Variants in AHNAK observed in about 807,000 individuals in gnomAD.
AHNAK encodes the protein neuroblast differentiation-associated protein AHNAK.
Under a neutral mutation model 37.8 loss-of-function variants are expected in AHNAK, and 23 were observed. The ratio of observed to expected loss-of-function variants is 0.61; its 90% CI spans 0.44 to 0.86. The LOEUF is 0.86. Among genes scored for constraint, AHNAK ranks in the 40% least tolerant of loss-of-function variants. AHNAK has a pLI of 0.00. For synonymous variants in AHNAK, 2,481 were observed against 2,636.3 expected, an observed-to-expected ratio of 0.94 and a Z score of 1.80; for missense variants, 7,411 against 7,319.4, an observed-to-expected ratio of 1.01 and a Z score of -0.46.
chr11:62,509,468 T>A (rs1253696326), intron 4 of AHNAK, among the ~76,000 whole-genome samples: 3 of 151,576 alleles, frequency 2.0e-5, no homozygotes. Context: ...GAGAATCACT[T>A]GAACTCGGGA....
At chr11:62,436,553 C>T (rs919491627) in intron 5 of AHNAK, among the ~76,000 whole-genome samples, 1 of 151,610 alleles carries the variant, frequency 6.6e-6, no homozygotes, top group Non-Finnish European at 1.5e-5. Flanking sequence ...CTCTATAAAG[C>T]AACCAGGCAC....
chr11:62,536,733 C>G (rs1421441881), intron 1 of AHNAK, among the ~76,000 whole-genome samples, 166 bp from the exon 2 acceptor site: 2 of 152,138 alleles, frequency 1.3e-5, no homozygotes, highest in Non-Finnish European at 2.9e-5. Context: ...CCCGGCATAG[C>G]AGAAAGGGGC....
rs373643372 is a variant in AHNAK, at chr11:62,518,169, C to T, written c.16248G>A (p.Pro5416=). ...MKLPQFGIST[P]GSDLHVNAKG... ...TGGCATTGACGTGCAAGTCGGACCC[C>T]GGAGTAGAGATGCCAAATTGGGGCA... Residue 5416 remains proline (P), a synonymous_variant, in exon 5 of 5, where the codon CCG becomes CCA. Coordinates refer to ENST00000378024, the MANE Select transcript of AHNAK (RefSeq NM_001620.3). 109 of 1,614,174 alleles carry T rather than the reference C, an allele frequency of 6.8e-5. No homozygotes were observed. Among genetic ancestry groups the T allele is most frequent in the Middle Eastern group, 1.6e-4 (1 of 6,062 alleles).
Position 62,521,409 on chromosome 11 carries a change from C to A in AHNAK, c.13008G>T (p.Val4336=), listed in dbSNP as rs1210951271. Residue 4336 remains valine, a synonymous_variant, in exon 5 of 5, where the codon GTG becomes GTT. Coordinates refer to ENST00000378024, the MANE Select transcript of AHNAK (RefSeq NM_001620.3). The part of the protein sequence containing the change: ...MPGFKGEGPD[V]DVTLPKADIE... ...TGTCAGCCTTAGGAAGGGTAACATCCACATCTGGGCCCTCTCCTTTGAATC... is the reference window on the plus strand; with the variant it reads ...TGTCAGCCTTAGGAAGGGTAACATCAACATCTGGGCCCTCTCCTTTGAATC... 2 of 1,614,012 alleles carry A rather than the reference C, an allele frequency of 1.2e-6. No individual in the cohort carries two copies. Among genetic ancestry groups the A allele is most frequent in the Non-Finnish European group, 1.7e-6 (2 of 1,180,020 alleles).
Position 62,525,665 on chromosome 11 carries a change from G to C in AHNAK, c.8752C>G (p.Leu2918Val). 7 of 1,613,680 alleles carry C rather than the reference G, an allele frequency of 4.3e-6. 1 individual carries two copies. The highest frequency in any genetic ancestry group is 1.1e-5 in the South Asian group (1 of 91,066). The change falls in exon 5 of 5, where the codon CTG becomes GTG. Residue 2918 changes from leucine (L) to valine (V), a missense_variant. Physicochemically the swap from Leu to Val is conservative, Grantham distance 32. Coordinates refer to ENST00000378024, the MANE Select transcript of AHNAK (RefSeq NM_001620.3). ...GAGACATCAACGTCAGCCTTGGGCAGGTTCACATCCACTTCAGGGCCCTCT... is the reference window on the plus strand; with the variant it reads ...GAGACATCAACGTCAGCCTTGGGCACGTTCACATCCACTTCAGGGCCCTCT... Reference protein sequence around the residue: ...KAEGPEVDVNLPKADVDVSGP... With the variant: ...KAEGPEVDVNVPKADVDVSGP...
chr11:62,534,171 CAGAGA>C, intron 4 of AHNAK, 97 bp from the exon 5 acceptor site: 1 of 1,351,482 alleles, frequency 7.4e-7, no homozygotes, highest in Non-Finnish European at 9.8e-7. Context: ...GCCTGTTTCC[CAGAGA>C]AGCTGGGACC....
At chr11:62,468,367 A>ATAT (rs1178186674) in intron 5 of AHNAK, among the ~76,000 whole-genome samples, 1 of 145,052 alleles carries the variant, frequency 6.9e-6, no homozygotes, top group African/African-American at 2.8e-5. Flanking sequence ...AGAAAAAAAA[A>ATAT]AAAAATATAT....
rs749184331 is a variant in AHNAK at position 62,529,738 on chromosome 11, C to T, written c.4679G>A (p.Gly1560Glu). The T allele has an allele frequency of 4.3e-6, 7 of 1,614,046 alleles. No individual in the cohort carries two copies. In the South Asian group the frequency reaches 6.6e-5, roughly 15 times the overall value. Residue 1560 changes from glycine (G) to glutamate (E), a missense_variant, in exon 5 of 5, where the codon GGG becomes GAG. Physicochemically the swap from Gly to Glu is moderately conservative, Grantham distance 98. Coordinates refer to ENST00000378024, the MANE Select transcript of AHNAK (RefSeq NM_001620.3). The part of the protein sequence containing the change: ...VPDVNLEAPE[G>E]KLKGPKFKMP... ...CTTGAACTTAGGGCCTTTTAGTTTC[C>T]CCTCTGGAGCTTCAAGATTCACATC...
rs373135676 is a variant in AHNAK at position 62,531,701 on chromosome 11, C to T, written c.2716G>A (p.Val906Met). ...CCCACCTTGGGTCCTGAGATGTCCA[C>T]ATCAGCCTTGGGCAGGTTCACATCC... is the stretch of plus-strand genomic sequence containing the variant. Reference protein sequence around the residue: ...EVDVNLPKADVDISGPKVGVE... With the variant: ...EVDVNLPKADMDISGPKVGVE... Residue 906 changes from valine (V) to methionine (M), a missense_variant, in exon 5 of 5, where the codon GTG becomes ATG. By Grantham distance (21) the Val-to-Met change is conservative (BLOSUM62 1). Transcript: ENST00000378024. 6.6e-5 allele frequency: 107 copies of T among 1,614,076 alleles called. No homozygotes were observed. The highest frequency in any genetic ancestry group is 8.6e-5 in the Non-Finnish European group (101 of 1,180,052).
chr11:62,461,776 G>A (rs1040289526), intron 5 of AHNAK, among the ~76,000 whole-genome samples: 1 of 148,080 alleles, frequency 6.8e-6, no homozygotes, highest in Non-Finnish European at 1.5e-5. Context: ...GGTGAGCCGA[G>A]ATGGCGCCAT....
At chr11:62,491,910 G>A in intron 4 of AHNAK, 3 of 1,328,698 alleles carry the variant, frequency 2.3e-6, no homozygotes, top group South Asian at 1.3e-5. Flanking sequence ...CCTACTATGG[G>A]TGTATAAAAT....
In AHNAK at chr11:62,517,892, C is replaced by T. The variant is rs780424012; in HGVS notation, c.16525G>A (p.Val5509Met). The change falls in exon 5 of 5, where the codon GTG becomes ATG. Residue 5509 changes from valine (V) to methionine (M), a missense_variant. Transcript: ENST00000378024. Reference sequence around the variant, plus strand: ...TGCCCAGTTGGGAGTTTCACATTCACGCCTGGCAGGTTCACATCACATCCA... The same window carrying T: ...TGCCCAGTTGGGAGTTTCACATTCATGCCTGGCAGGTTCACATCACATCCA... ...SSGCDVNLPG[V>M]NVKLPTGQIS... is the part of the protein sequence containing the mutation. The T allele has an allele frequency of 8.1e-6, 13 of 1,614,080 alleles. No homozygotes were observed. Among genetic ancestry groups the T allele is most frequent in the African/African-American group, 6.7e-5 (5 of 74,934 alleles).
At chr11:62,450,101 GTTTTATTTTATTTTATTTTATTA>G (rs1565197756) in intron 5 of AHNAK, among the ~76,000 whole-genome samples, 2 of 150,128 alleles carry the variant, frequency 1.3e-5, no homozygotes, top group African/African-American at 4.9e-5. Flanking sequence ...GTTTTCTTTT[GTTTTATTTTATTTTATTTTATTA>G]TTTTATTTTA....
chr11:62,465,592 A>G (rs1340820281), intron 5 of AHNAK, among the ~76,000 whole-genome samples: 2 of 152,150 alleles, frequency 1.3e-5, no homozygotes, highest in African/African-American at 2.4e-5. Context: ...CAGCTTGGGT[A>G]ACAGAGTGAG....
At chr11:62,469,883 A>C (rs1185106405) in intron 5 of AHNAK, among the ~76,000 whole-genome samples, 1 of 152,256 alleles carries the variant, frequency 6.6e-6, no homozygotes, top group Non-Finnish European at 1.5e-5. Flanking sequence ...AAAGTGGACA[A>C]GATAGGAAAA....
At chr11:62,439,210 T>G (rs2134776344) in intron 5 of AHNAK, among the ~76,000 whole-genome samples, 1 of 147,878 alleles carries the variant, frequency 6.8e-6, no homozygotes, top group South Asian at 2.3e-4. Context: ...TTCTCCTGCC[T>G]CAGCCTCCCG....
rs756221697 is a variant in AHNAK, at chr11:62,533,336, C to CT, written c.1080_1081insA (p.Ala361SerfsTer4). 3.2e-6 allele frequency: 5 copies of CT among 1,550,968 alleles called. No individual in the cohort carries two copies. The highest frequency in any genetic ancestry group is 4.3e-6 in the Non-Finnish European group (5 of 1,151,516). On this transcript the variant is annotated frameshift_variant, in exon 5 of 5. Coordinates refer to ENST00000378024, the MANE Select transcript of AHNAK (RefSeq NM_001620.3). LOFTEE classifies it low-confidence loss of function (END_TRUNC). ...TTCCCCTCAAGGCCCTCAATATTGG[C>CT]AGAGGGCACACTGACTTCCAGCTGA...
rs76422178 is a variant in AHNAK, at chr11:62,534,307, G to A, written c.343-233C>T. Among the ~76,000 whole-genome samples the A allele has an allele frequency of 5.3e-3, 800 of 152,330 alleles. 6 individuals are homozygous for A. The highest frequency in any genetic ancestry group is 0.018 in the African/African-American group (759 of 41,562). Reference sequence around the variant, plus strand: ...GAGGTCATACCGCTAAGCAAAAACCGTGGGGAGGGAGTGGGAGGTATACTC... The same window carrying A: ...GAGGTCATACCGCTAAGCAAAAACCATGGGGAGGGAGTGGGAGGTATACTC... On this transcript the variant is annotated intron_variant, in intron 4 of 4. Coordinates refer to ENST00000378024, the MANE Select transcript of AHNAK (RefSeq NM_001620.3).
rs762957740 is a variant in AHNAK at position 62,521,703 on chromosome 11, C to T, written c.12714G>A (p.Ala4238=). ...TCTTGAATTTAGGGCCCTTTAGTTT[C>T]GCATCTGGACCTTCGATATTCACAT... is the stretch of plus-strand genomic sequence containing the variant. ...VPDVNIEGPD[A]KLKGPKFKMP... is the part of the protein sequence containing the mutation. The change falls in exon 5 of 5, where the codon GCG becomes GCA. Residue 4238 remains alanine, a synonymous_variant. Coordinates refer to ENST00000378024, the MANE Select transcript of AHNAK (RefSeq NM_001620.3). 8.7e-6 allele frequency: 14 copies of T among 1,613,212 alleles called. No homozygotes were observed. The Admixed American group carries it at 1.0e-4, about 12-fold the overall frequency.
Sources: allele counts gnomAD v4.1 joint callset (sites outside exome capture counted in the v4.1 genomes callset), GRCh38; gene constraint gnomAD v4.1.1; transcripts MANE v1.5; gene names NCBI Gene and HGNC (gene_info 2026-07-23, HGNC 2026-07-21).